Variants in VTI1A observed in about 807,000 individuals in gnomAD.
VTI1A encodes the protein vesicle transport through interaction with t-SNAREs homolog 1A.
Under a neutral mutation model 34.9 loss-of-function variants are expected in VTI1A, and 22 were observed. That is an observed-to-expected ratio of 0.63 (90% CI 0.45 to 0.90). The LOEUF is 0.90. Ranked by LOEUF, VTI1A falls within the 40% of genes least tolerant of loss-of-function variation. VTI1A has a pLI of 0.00. For missense variants in VTI1A, 268 were observed against 275.6 expected, an observed-to-expected ratio of 0.97 and a Z score of 0.20; for synonymous variants, 87 against 97.3, an observed-to-expected ratio of 0.89 and a Z score of 0.62.
chr10:112,721,867 T>A (rs1849818677), intron 7 of VTI1A, among the ~76,000 whole-genome samples: 1 of 152,174 alleles, frequency 6.6e-6, no homozygotes, highest in South Asian at 2.1e-4. Flanking sequence ...CATTGAACTG[T>A]TCAAACTAGG....
chr10:112,811,066 C>T (rs567593883), intron 7 of VTI1A, among the ~76,000 whole-genome samples: 1 of 152,288 alleles, frequency 6.6e-6, no homozygotes, highest in East Asian at 1.9e-4. Context: ...CGGACGGTAG[C>T]GTTATCACTC....
intron 1 of VTI1A, among the ~76,000 whole-genome samples, chr10:112,453,373 A>G (rs1564782042): frequency 6.6e-6 from 1 of 152,186 alleles, no homozygotes; most frequent in Non-Finnish European, 1.5e-5. Flanking sequence ...AAAATCATAT[A>G]TGCATAGCCT....
intron 3 of VTI1A, among the ~76,000 whole-genome samples, chr10:112,472,746 G>T (rs371413464): frequency 1.3e-5 from 2 of 152,156 alleles, no homozygotes; most frequent in African/African-American, 4.8e-5. Context: ...GATAGTCTCA[G>T]TGGTAATATG....
At chr10:112,803,310 C>T (rs1378472509) in intron 7 of VTI1A, among the ~76,000 whole-genome samples, 2 of 152,296 alleles carry the variant, frequency 1.3e-5, no homozygotes, top group East Asian at 3.9e-4. Flanking sequence ...TCAAGTGATC[C>T]ACCCGCCTTG....
chr10:112,515,155 G>A (rs1252962573), intron 3 of VTI1A, among the ~76,000 whole-genome samples: 2 of 151,848 alleles, frequency 1.3e-5, no homozygotes, highest in African/African-American at 2.4e-5. Context: ...AGAGTCATAG[G>A]GCCAAATTTA....
chr10:112,757,575 G>A (rs1254335638), intron 7 of VTI1A, among the ~76,000 whole-genome samples: 5 of 151,680 alleles, frequency 3.3e-5, no homozygotes, highest in Admixed American at 6.6e-5. Context: ...TTGTAGAGAC[G>A]GGGTTTTGCC....
intron 1 of VTI1A, among the ~76,000 whole-genome samples, chr10:112,454,786 G>A (rs924192474): frequency 3.3e-5 from 5 of 150,656 alleles, no homozygotes; most frequent in South Asian, 2.1e-4. Flanking sequence ...TAGCAGTTAC[G>A]AGCTCAGTTC....
rs764907175 is a variant in VTI1A at position 112,464,607 on chromosome 10, A to C, written c.214A>C (p.Asn72His). 2.5e-6 allele frequency: 4 copies of C among 1,613,052 alleles called. No individual in the cohort carries two copies. In the South Asian group the frequency reaches 4.4e-5, roughly 18 times the overall value. The change falls in exon 3 of 8, where the codon AAC becomes CAC. Residue 72 changes from asparagine to histidine, a missense_variant. Transcript: ENST00000393077. ...IPPQSRGMYS[N>H]RMRSYKQEMG... ...ACCCCAAAGTCGAGGGATGTACAGC[A>C]ACAGAATGAGAAGCTACAAACAAGA...
chr10:112,782,022 A>C (rs1049887011), intron 7 of VTI1A, among the ~76,000 whole-genome samples: 1 of 152,174 alleles, frequency 6.6e-6, no homozygotes, highest in Non-Finnish European at 1.5e-5. Flanking sequence ...TTCGACTGAC[A>C]CAAGTCCCCT....
chr10:112,619,639 G>C (rs145788393), intron 5 of VTI1A, among the ~76,000 whole-genome samples: 2 of 152,146 alleles, frequency 1.3e-5, no homozygotes, highest in African/African-American at 4.8e-5. Flanking sequence ...CCTCTTTAAT[G>C]TTTTGCCCAG....
chr10:112,756,351 C>T (rs1177992001), intron 7 of VTI1A, among the ~76,000 whole-genome samples: 1 of 152,188 alleles, frequency 6.6e-6, no homozygotes, highest in African/African-American at 2.4e-5. Flanking sequence ...CTAGTTGCCT[C>T]TCTCAGCAAA....
At chr10:112,807,875 TA>T (rs534168525) in intron 7 of VTI1A, among the ~76,000 whole-genome samples, 1 of 150,502 alleles carries the variant, frequency 6.6e-6, no homozygotes, top group African/African-American at 2.4e-5. Flanking sequence ...AAAATAAAAA[TA>T]AAAAAGATCT....
chr10:112,758,282 T>C (rs1851353847), intron 7 of VTI1A, among the ~76,000 whole-genome samples: 1 of 152,120 alleles, frequency 6.6e-6, no homozygotes, highest in Admixed American at 6.6e-5. Flanking sequence ...CTGCACTTTC[T>C]TCTCATCATC....
chr10:112,654,307 T>A (rs1170089593), intron 5 of VTI1A, among the ~76,000 whole-genome samples: 1 of 152,208 alleles, frequency 6.6e-6, no homozygotes, highest in African/African-American at 2.4e-5. Flanking sequence ...TTCTTTAATG[T>A]CATAAGGATA....
intron 3 of VTI1A, among the ~76,000 whole-genome samples, chr10:112,476,421 G>C (rs1384049710): frequency 6.6e-6 from 1 of 152,108 alleles, no homozygotes; most frequent in Admixed American, 6.5e-5. Flanking sequence ...CTATTACTTG[G>C]AAAGAAAAGT....
intron 7 of VTI1A, among the ~76,000 whole-genome samples, chr10:112,700,495 T>C (rs577799184): frequency 6.6e-6 from 1 of 152,342 alleles, no homozygotes; most frequent in South Asian, 2.1e-4. Context: ...CAACAACTCA[T>C]TTGACAGGTG....
chr10:112,447,491 G>T lies in VTI1A; in HGVS notation c.94+24G>T, dbSNP rs372850454. 12 of 1,610,436 alleles carry T rather than the reference G, an allele frequency of 7.5e-6. No individual in the cohort carries two copies. The South Asian group carries it at 8.8e-5, about 12-fold the overall frequency. Reference sequence around the variant, plus strand: ...TGGTGAGAGCCTTGCCCGGCTGGACGAGGGTGCTGGGGAGAGCTGGGAGGG... The same window carrying T: ...TGGTGAGAGCCTTGCCCGGCTGGACTAGGGTGCTGGGGAGAGCTGGGAGGG... On this transcript the variant is annotated intron_variant, in intron 1 of 7. Transcript: ENST00000393077.
intron 7 of VTI1A, among the ~76,000 whole-genome samples, chr10:112,712,302 G>A (rs772794254): frequency 6.6e-6 from 1 of 152,120 alleles, no homozygotes; most frequent in Non-Finnish European, 1.5e-5. Context: ...GGAAGTTGGA[G>A]TCCTCACATG....
the VTI1A span, among the ~76,000 whole-genome samples, chr10:112,834,542 C>G: frequency 6.6e-6 from 1 of 152,238 alleles, no homozygotes; most frequent in African/African-American, 2.4e-5. Flanking sequence ...GCCCAGTGGA[C>G]AGTGCCACCT....
Sources: allele counts gnomAD v4.1 joint callset (sites outside exome capture counted in the v4.1 genomes callset), GRCh38; gene constraint gnomAD v4.1.1; transcripts MANE v1.5; gene names NCBI Gene and HGNC (gene_info 2026-07-23, HGNC 2026-07-21).